Variants in DNASE1 observed in about 807,000 individuals in gnomAD.
DNASE1 encodes deoxyribonuclease 1.
A neutral mutation model predicts 33.9 loss-of-function variants in DNASE1; 40 were observed. The ratio of observed to expected loss-of-function variants is 1.18; its 90% confidence interval spans 0.92 to 1.54. The LOEUF (loss-of-function observed/expected upper bound fraction) is 1.54, where lower values mean the gene tolerates loss of function less well. Ranked by LOEUF, DNASE1 falls within the 40% of genes most tolerant of loss-of-function variation. The pLI is 0.00. For missense variants in DNASE1, 518 were observed against 372.6 expected, an observed-to-expected ratio of 1.39 and a Z score of -3.21; for synonymous variants, 216 against 160.0, an observed-to-expected ratio of 1.35 and a Z score of -2.64.
chr16:3,663,078 G>T, downstream of DNASE1: 1 of 827,676 alleles, frequency 1.2e-6, no homozygotes, highest in South Asian at 1.7e-5. Context: ...CCAGGATGGA[G>T]ACACAAGCTA....
chr16:3,653,826 A>AAAAAAAAAAAAAAAAAAAAC (rs2042428667), upstream of DNASE1: 3 of 145,006 alleles, frequency 2.1e-5, no homozygotes, highest in African/African-American at 7.9e-5. Context: ...AAAAAAAAAA[A>AAAAAAAAAAAAAAAAAAAAC]AAAAAAAAAA....
chr16:3,655,286 C>T, intron 1 of DNASE1, 87 bp from the exon 2 acceptor site: 1 of 1,582,400 alleles, frequency 6.3e-7, no homozygotes, highest in Non-Finnish European at 8.6e-7. Context: ...CCACCAGCCC[C>T]TGCCAGCTGG....
rs1000931501 is a variant in DNASE1 at position 3,654,937 on chromosome 16, G to T, written c.-109G>T. ...GCTTCTTCAGAGACCTTTCTTCATA[G>T]ACTACTTTTTTTTCTTTAAGCAGCA... is the stretch of plus-strand genomic sequence containing the variant. On this transcript the variant is annotated 5_prime_UTR_variant, in exon 1 of 9. Coordinates refer to ENST00000246949, the MANE Select transcript of DNASE1 (RefSeq NM_005223.4). The T allele has an allele frequency of 1.5e-5, 7 of 461,404 alleles. No individual in the cohort carries two copies. The highest frequency in any genetic ancestry group is 7.6e-5 in the Admixed American group (2 of 26,212). 28.6% of individuals were successfully genotyped at this position (461,404 alleles called of 1,614,324 possible).
At chr16:3,660,919 GTC>G (rs2043038228), downstream of DNASE1, 1 of 151,548 alleles carries the variant, frequency 6.6e-6, no homozygotes, top group South Asian at 2.1e-4. Context: ...GTGAGACCCT[GTC>G]TCAAAAATTA....
chr16:3,654,867 C>T lies in DNASE1; in HGVS notation c.-179C>T, dbSNP rs189467610. ...TTTAAAACTCCCAGACACGCACTGC[C>T]TGTGCAGGATCCGGAGCCCAGCAGC... On this transcript the variant is annotated 5_prime_UTR_variant, in exon 1 of 9. Coordinates refer to ENST00000246949, the MANE Select transcript of DNASE1 (RefSeq NM_005223.4). The T allele has an allele frequency of 5.2e-4, 218 of 420,438 alleles. No homozygotes were observed. In the East Asian group the frequency reaches 6.7e-3, roughly 13 times the overall value. 26.0% of individuals were successfully genotyped at this position (420,438 alleles called of 1,614,324 possible). A position where few individuals can be genotyped will look rare whatever the true frequency, so the allele number is the denominator to read the frequency against.
chr16:3,655,500 CTCG>C lies in DNASE1; in HGVS notation c.130_132del (p.Val44del). On this transcript the variant is annotated inframe_deletion, in exon 2 of 9. Transcript: ENST00000246949. ...GGAGACCAAGATGTCCAATGCCACC[CTCG>C]TCAGCTACATTGTGCAGGTGAGGCC... 4 of 1,614,152 alleles carry C rather than the reference CTCG, an allele frequency of 2.5e-6. No individual in the cohort carries two copies. The Middle Eastern group carries it at 6.6e-4, about 266-fold the overall frequency.
rs1250734320 is a variant in DNASE1 at position 3,644,606 on chromosome 16, AT to A, written c.-86+1571del. 2.0e-5 allele frequency among the ~76,000 whole-genome samples: 3 copies of A among 151,978 alleles called. No individual in the cohort carries two copies. The East Asian group carries it at 5.8e-4, about 29-fold the overall frequency. On this transcript the variant is annotated intron_variant, in intron 1 of 9. Coordinates refer to the DNASE1 transcript ENST00000407479. ...CAAAATTAGCCGGGGATGGTGGCACATGCCTGTGGTCCCAGCTACTTGAGAG... is the reference window on the plus strand; with the variant it reads ...CAAAATTAGCCGGGGATGGTGGCACAGCCTGTGGTCCCAGCTACTTGAGAG...
At chr16:3,657,658 G>A (rs781733573) in intron 7 of DNASE1, 62 bp from the exon 8 acceptor site, 49 of 1,601,942 alleles carry the variant, frequency 3.1e-5, no homozygotes, top group East Asian at 9.0e-5. Context: ...TAGTTCCTGC[G>A]GGTGCTGAGC....
chr16:3,658,022 A>G lies in DNASE1; in HGVS notation c.*69A>G. 6.2e-7 allele frequency: 1 copy of G among 1,611,248 alleles called. No individual in the cohort carries two copies. Among genetic ancestry groups the G allele is most frequent in the Non-Finnish European group, 8.5e-7 (1 of 1,178,510 alleles). Reference sequence around the variant, plus strand: ...CATCCTGCCACAGGACCCAGAAAAAAAGCCCAACACACACTCGGGTTAAGA... The same window carrying G: ...CATCCTGCCACAGGACCCAGAAAAAGAGCCCAACACACACTCGGGTTAAGA... On this transcript the variant is annotated 3_prime_UTR_variant, in exon 9 of 9. Coordinates refer to ENST00000246949, the MANE Select transcript of DNASE1 (RefSeq NM_005223.4).
intron 1 of DNASE1, 23 bp from the exon 2 acceptor site, chr16:3,655,350 C>T (rs368497656): frequency 2.4e-5 from 39 of 1,611,396 alleles, no homozygotes; most frequent in Non-Finnish European, 3.1e-5. Context: ...TCTGTTATGT[C>T]TCTGTGCCCT....
At chr16:3,631,202 T>C (rs1360986958) in intron 1 of DNASE1, among the ~76,000 whole-genome samples, 1 of 151,966 alleles carries the variant, frequency 6.6e-6, no homozygotes, top group Non-Finnish European at 1.5e-5. Context: ...TTTTGGGTTT[T>C]TTTGTTGGTT....
Position 3,656,721 on chromosome 16 carries a change from C to T in DNASE1, c.404C>T (p.Pro135Leu), listed in dbSNP as rs1354767682. The T allele has an allele frequency of 8.7e-6, 14 of 1,612,294 alleles. No homozygotes were observed. The highest frequency in any genetic ancestry group is 1.1e-5 in the South Asian group (1 of 90,690). The change falls in exon 5 of 9, where the codon CCA (proline) becomes CTA (leucine). Residue 135 changes from proline (P) to leucine (L), a missense_variant. Coordinates refer to ENST00000246949, the MANE Select transcript of DNASE1 (RefSeq NM_005223.4). ...PCGNDTFNRE[P>L]AIVRFFSRFT... ...GGGAACGACACCTTCAACCGAGAGC[C>T]AGCCATTGTCAGGTTCTTCTCCCGG...
At chr16:3,634,270 C>T (rs1459147487) in intron 1 of DNASE1, among the ~76,000 whole-genome samples, 1 of 151,918 alleles carries the variant, frequency 6.6e-6, no homozygotes. Context: ...GCTCTGTCAC[C>T]CAGGCTGGAG....
At chr16:3,646,016 C>A (rs1417984171) in intron 1 of DNASE1, among the ~76,000 whole-genome samples, 1 of 152,086 alleles carries the variant, frequency 6.6e-6, no homozygotes, top group Non-Finnish European at 1.5e-5. Context: ...GCAAACACCT[C>A]CCAAGGGAGA....
downstream of DNASE1, chr16:3,658,316 CG>C: frequency 8.8e-7 from 1 of 1,132,420 alleles, no homozygotes; most frequent in Non-Finnish European, 1.3e-6. Context: ...TCACTGTTGC[CG>C]AGGCTGGAGT....
At chr16:3,659,054 G>GTGTC (rs1555460954), downstream of DNASE1, 8 of 603,412 alleles carry the variant, frequency 1.3e-5, no homozygotes, top group Admixed American at 6.7e-5. Context: ...AGAATCAGGA[G>GTGTC]TGTCAGTATT....
chr16:3,657,771 TCTTCCCTTTAA>T lies in DNASE1; in HGVS notation c.762_772del (p.Phe255GlyfsTer7), dbSNP rs1235278240. ...GAGGCGCCGTTGTTCCCGACTCGGCTCTTCCCTTTAACTTCCAGGCTGCCTATGGCCTGAGT... is the reference window on the plus strand; with the variant it reads ...GAGGCGCCGTTGTTCCCGACTCGGCTCTTCCAGGCTGCCTATGGCCTGAGT... On this transcript the variant is annotated frameshift_variant, in exon 8 of 9. Transcript: ENST00000246949. LOFTEE classifies it low-confidence loss of function (END_TRUNC). 8 of 1,614,114 alleles carry T rather than the reference TCTTCCCTTTAA, an allele frequency of 5.0e-6. No homozygotes were observed.
intron 1 of DNASE1, among the ~76,000 whole-genome samples, chr16:3,625,060 A>G (rs539322669): frequency 3.3e-5 from 5 of 152,072 alleles, no homozygotes; most frequent in Non-Finnish European, 1.5e-5. Context: ...TAATCCCAGC[A>G]CTTTGGGAGG....
chr16:3,629,359 C>A (rs1169470703), intron 1 of DNASE1, among the ~76,000 whole-genome samples: 1 of 151,990 alleles, frequency 6.6e-6, no homozygotes, highest in Non-Finnish European at 1.5e-5. Context: ...TGATATGTTT[C>A]CCATTATTCC....
Sources: gnomAD v4.1 joint callset for allele counts (sites outside exome capture counted in the v4.1 genomes callset) on GRCh38, gnomAD v4.1.1 for gene constraint, MANE v1.5 for transcripts, NCBI Gene and HGNC (gene_info 2026-07-23, HGNC 2026-07-21) for gene names.